Variants in TCOF1 observed in about 807,000 individuals in gnomAD.
TCOF1 encodes the protein treacle ribosome biogenesis factor 1.
A neutral mutation model predicts 149.0 loss-of-function variants in TCOF1; 33 were observed. The ratio of observed to expected loss-of-function variants is 0.22; its 90% CI spans 0.17 to 0.30. The LOEUF (loss-of-function observed/expected upper bound fraction) is 0.30. TCOF1 is among the 10% of genes least tolerant of loss of function. TCOF1 has a pLI of 1.00. For missense variants in TCOF1, 1,728 were observed against 1,840.7 expected (o/e 0.94, Z 1.12); for synonymous variants, 789 against 738.8 (o/e 1.07, Z -1.10).
chr5:150,364,046 G>A, intron 2 of TCOF1, 67 bp from the exon 3 acceptor site: 1 of 1,611,750 alleles, frequency 6.2e-7, no homozygotes, highest in Non-Finnish European at 8.5e-7. Context: ...GGGAAGGTCT[G>A]TCTAGTCAAT....
intron 3 of TCOF1, among the ~76,000 whole-genome samples, chr5:150,366,077 G>A (rs1021881629): frequency 1.5e-4 from 22 of 150,790 alleles, no homozygotes; most frequent in African/African-American, 5.4e-4. Context: ...AGCCATGACT[G>A]TGCCTGCACT....
chr5:150,367,306 GTAAA>G (rs1317907599), intron 3 of TCOF1, among the ~76,000 whole-genome samples: 1 of 152,186 alleles, frequency 6.6e-6, no homozygotes, highest in African/African-American at 2.4e-5. Context: ...CTCTGTCCCA[GTAAA>G]TAAATAAGCA....
intron 12 of TCOF1, 47 bp from the exon 13 acceptor site, chr5:150,376,035 C>A (rs1242832834): frequency 1.9e-6 from 3 of 1,613,040 alleles, no homozygotes; most frequent in Non-Finnish European, 2.5e-6. Context: ...AGATGGGGGA[C>A]TCTGAGTTCA....
At chr5:150,357,884 C>T in intron 1 of TCOF1, 30 bp downstream of exon 1, 1 of 1,544,630 alleles carries the variant, frequency 6.5e-7, no homozygotes. Flanking sequence ...GTGCGAGGGC[C>T]GCGTGCAAGA....
In TCOF1 at chr5:150,375,818, C is replaced by T. The variant is rs1290289064; in HGVS notation, c.1802C>T (p.Ala601Val). ...GGGCCTGTAGCCGTCCAGGTCAAGG[C>T]TGAAAAGCCCATGGACAACTCGGAG... ...KAGPVAVQVK[A>V]EKPMDNSESS... Residue 601 changes from alanine (A) to valine (V), a missense_variant, in exon 12 of 27, where the codon GCT becomes GTT. Coordinates refer to ENST00000643257, the MANE Select transcript of TCOF1 (RefSeq NM_001371623.1). 3.7e-6 allele frequency: 6 copies of T among 1,614,160 alleles called. No homozygotes were observed. Among genetic ancestry groups the T allele is most frequent in the Admixed American group, 3.3e-5 (2 of 60,032 alleles).
intron 17 of TCOF1, chr5:150,383,311 C>T (rs1461234026): frequency 2.8e-6 from 2 of 724,150 alleles, no homozygotes; most frequent in Non-Finnish European, 4.5e-6. Context: ...GCTCTTTCCT[C>T]TATTGTGACA....
chr5:150,378,918 T>C lies in TCOF1; in HGVS notation c.2354T>C (p.Val785Ala). The change falls in exon 15 of 27, where the codon GTA becomes GCA. Residue 785 changes from valine (V) to alanine (A), a missense_variant. Val to Ala is a moderately conservative substitution (Grantham distance 64). This residue lies in a region of TCOF1 where 1,696 missense variants were observed against 1,765.4 expected (regional missense o/e 0.96). Transcript: ENST00000643257. ...AASPAQVKTS[V>A]KKTQAKANPA... is the part of the protein sequence containing the mutation. The stretch of plus-strand genomic sequence containing the variant: ...TTCTCCACTCAGGTGAAAACCTCAG[T>C]AAAGAAAACCCAGGCCAAAGCCAAC... 1 of 1,613,946 alleles carries C rather than the reference T, an allele frequency of 6.2e-7. No individual in the cohort carries two copies. The highest frequency in any genetic ancestry group is 8.5e-7 in the Non-Finnish European group (1 of 1,180,008).
In TCOF1 at chr5:150,398,368, G is replaced by T; in HGVS notation, c.4360G>T (p.Glu1454Ter). ...KKSDKRKKDK[E>*]KKEKKKKAKK... ...ACTTCCCTTAGGAAAAAAAGACAAA[G>T]AAAAAAAAGAAAAGAAGAAGAAAGC... Residue 1454 changes from glutamate (E) to a stop codon, truncating the protein, a stop_gained, in exon 25 of 27, where the codon GAA (glutamate) becomes TAA (stop). Coordinates refer to ENST00000643257, the MANE Select transcript of TCOF1 (RefSeq NM_001371623.1). LOFTEE classifies it high-confidence loss of function. 2 of 1,612,308 alleles carry T rather than the reference G, an allele frequency of 1.2e-6. No homozygotes were observed. The highest frequency in any genetic ancestry group is 1.1e-5 in the South Asian group (1 of 90,944).
At chr5:150,372,652 G>A (rs372561605) in intron 7 of TCOF1, among the ~76,000 whole-genome samples, 2 of 152,324 alleles carry the variant, frequency 1.3e-5, no homozygotes, top group South Asian at 2.1e-4. Context: ...GGGCAAGACA[G>A]GGGGGCTGGA....
chr5:150,390,525 A>T (rs964619838), intron 19 of TCOF1, among the ~76,000 whole-genome samples: 9 of 152,320 alleles, frequency 5.9e-5, no homozygotes, highest in African/African-American at 2.2e-4. Flanking sequence ...CGATGTGACC[A>T]GCATTCAGCA....
At position 150,379,460 on chromosome 5, in the gene TCOF1, C is replaced by T. The variant is rs1168822085; in HGVS notation, c.2658+52C>T. ...CCCTACATGGGATGTAACACCTTTG[C>T]CACATCCAGCTCCTGTCTTCTCACA... is the stretch of plus-strand genomic sequence containing the variant. On this transcript the variant is annotated intron_variant, in intron 16 of 26. Transcript: ENST00000643257. 8 of 1,613,946 alleles carry T rather than the reference C, an allele frequency of 5.0e-6. No homozygotes were observed. In the Admixed American group the frequency reaches 5.0e-5, roughly 10 times the overall value.
intron 21 of TCOF1, 126 bp downstream of exon 21, chr5:150,392,302 C>T (rs1581205000): frequency 8.6e-6 from 8 of 929,456 alleles, no homozygotes; most frequent in South Asian, 6.8e-5. Flanking sequence ...GAGCCTGGGC[C>T]TCAGTTTCCC....
chr5:150,389,797 A>C, intron 18 of TCOF1, 90 bp from the exon 19 acceptor site: 1 of 1,605,818 alleles, frequency 6.2e-7, no homozygotes, highest in South Asian at 1.1e-5. Context: ...CTAGATCACC[A>C]GCACAGGCCG....
Position 150,375,401 on chromosome 5 carries a change from G to A in TCOF1, c.1551G>A (p.Leu517=), listed in dbSNP as rs369855802. The stretch of plus-strand genomic sequence containing the variant: ...CCTCTACCATGGGCATGGGGCCCTT[G>A]GGGAAAGGCGCCGGCCCAGTGCCAC... The part of the protein sequence containing the change: ...KPASTMGMGP[L]GKGAGPVPPG... The change falls in exon 11 of 27, where the codon TTG becomes TTA. Residue 517 remains leucine (L), a synonymous_variant. Coordinates refer to ENST00000643257, the MANE Select transcript of TCOF1 (RefSeq NM_001371623.1). 1 of 1,612,752 alleles carries A rather than the reference G, an allele frequency of 6.2e-7. No individual in the cohort carries two copies. The highest frequency in any genetic ancestry group is 8.5e-7 in the Non-Finnish European group (1 of 1,179,748).
In TCOF1 at chr5:150,392,810, C is replaced by T. The variant is rs1306191451; in HGVS notation, c.3603+20C>T. 1 of 1,612,762 alleles carries T rather than the reference C, an allele frequency of 6.2e-7. No individual in the cohort carries two copies. The highest frequency in any genetic ancestry group is 1.3e-5 in the African/African-American group (1 of 74,924). ...TCCCAGGTAACTGCAAGGGAGAGGACTGGCAGCCCATAGGCCTTAGGGTGG... is the reference window on the plus strand; with the variant it reads ...TCCCAGGTAACTGCAAGGGAGAGGATTGGCAGCCCATAGGCCTTAGGGTGG... On this transcript the variant is annotated intron_variant, in intron 22 of 26. Transcript: ENST00000643257.
At chr5:150,394,937 AAAAG>A (rs1189675396) in intron 23 of TCOF1, 5 of 152,980 alleles carry the variant, frequency 3.3e-5, no homozygotes, top group South Asian at 2.1e-4. Context: ...AAAAAAAAAA[AAAAG>A]GCAGCAGCAG....
chr5:150,372,024 C>T lies in TCOF1; in HGVS notation c.658C>T (p.Pro220Ser). 2 of 1,614,218 alleles carry T rather than the reference C, an allele frequency of 1.2e-6. No individual in the cohort carries two copies. Among genetic ancestry groups the T allele is most frequent in the Non-Finnish European group, 1.7e-6 (2 of 1,180,044 alleles). Residue 220 changes from proline to serine, a missense_variant, in exon 7 of 27, where the codon CCA (proline) becomes TCA (serine). Pro to Ser is a moderately conservative substitution (Grantham distance 74). Coordinates refer to ENST00000643257, the MANE Select transcript of TCOF1 (RefSeq NM_001371623.1). ...GTTCCAGGGGAAACCCTCAGTAAAA[C>T]CAGCCCAGGTCAAAGCCTCATCAGT... ...TDVEGKPSVK[P>S]AQVKASSVST...
rs778741552 is a variant in TCOF1, at chr5:150,392,061, G to A, written c.3402G>A (p.Gln1134=). The A allele has an allele frequency of 1.2e-6, 2 of 1,614,150 alleles. No homozygotes were observed. Among genetic ancestry groups the A allele is most frequent in the Non-Finnish European group, 8.5e-7 (1 of 1,180,060 alleles). ...KLRKPKLPEV[Q]QATKAPESSD... ...GAAAACCTAAGCTTCCTGAGGTCCA[G>A]CAGGCCACCAAAGCCCCTGAGAGCT... The change falls in exon 21 of 27, where the codon CAG becomes CAA. Residue 1134 remains glutamine, a synonymous_variant. Transcript: ENST00000643257.
chr5:150,393,755 C>A (rs748847957), intron 23 of TCOF1: 5 of 686,890 alleles, frequency 7.3e-6, no homozygotes, highest in Non-Finnish European at 1.2e-5. Context: ...GGCTCATGCC[C>A]ATAATCCCAG....
Sources: gnomAD v4.1 joint callset for allele counts (sites outside exome capture counted in the v4.1 genomes callset) on GRCh38, gnomAD v4.1.1 for gene constraint, gnomAD v4.1.1 regional missense constraint, MANE v1.5 for transcripts, NCBI Gene and HGNC (gene_info 2026-07-23, HGNC 2026-07-21) for gene names.